The following HS3ST3A1 variants were observed in gnomAD, a reference collection of about 807,000 sequenced individuals.
HS3ST3A1 encodes the protein heparan sulfate-glucosamine 3-sulfotransferase 3A1, also known as heparan sulfate glucosamine 3-O-sulfotransferase 3A1.
Under a neutral mutation model 25.7 loss-of-function variants are expected in HS3ST3A1, and 19 were observed. That is an observed-to-expected ratio of 0.74 (90% CI 0.52 to 1.08). The LOEUF is 1.08. Among genes scored for constraint, HS3ST3A1 ranks in the 50% least tolerant of loss-of-function variants. The pLI is 0.00. For synonymous variants in HS3ST3A1, 226 were observed against 278.6 expected (o/e 0.81, Z 1.88); for missense variants, 459 against 594.3 (o/e 0.77, Z 2.37).
chr17:13,550,928 A>G (rs1024649756), intron 1 of HS3ST3A1, among the ~76,000 whole-genome samples: 3 of 151,722 alleles, frequency 2.0e-5, no homozygotes, highest in South Asian at 2.1e-4. Context: ...TTAGCCGGGC[A>G]TGGTGGCAGG....
At chr17:13,501,254 T>C (rs1402843545) in intron 1 of HS3ST3A1, among the ~76,000 whole-genome samples, 3 of 151,020 alleles carry the variant, frequency 2.0e-5, no homozygotes, top group South Asian at 2.1e-4. Context: ...TTTTATGTTA[T>C]GTGTTTTCTA....
chr17:13,509,728 A>G (rs1258671613), intron 1 of HS3ST3A1, among the ~76,000 whole-genome samples: 1 of 152,186 alleles, frequency 6.6e-6, no homozygotes, highest in Non-Finnish European at 1.5e-5. Context: ...CACCACTAAA[A>G]ATTAGAACTG....
In HS3ST3A1 at chr17:13,577,495, C is replaced by A. The variant is rs8067572; in HGVS notation, c.599+23036G>T. ...ACCAGTACAGCTAACTTCTCCCTCC[C>A]GGGACAGAGGAATAATGAGAGCTTG... is the stretch of plus-strand genomic sequence containing the variant. On this transcript the variant is annotated intron_variant, in intron 1 of 1. Transcript: ENST00000284110. Among the ~76,000 whole-genome samples, 454 of 152,258 alleles carry A rather than the reference C, an allele frequency of 3.0e-3. 2 individuals carry two copies. The highest frequency in any genetic ancestry group is 0.01 in the African/African-American group (423 of 41,542).
intron 1 of HS3ST3A1, 77 bp downstream of exon 1, chr17:13,600,454 A>C: frequency 6.9e-7 from 1 of 1,448,558 alleles, no homozygotes; most frequent in Non-Finnish European, 9.0e-7. Context: ...ACTGGGGGTC[A>C]CCGAGGGCTC....
intron 1 of HS3ST3A1, among the ~76,000 whole-genome samples, chr17:13,578,556 C>A (rs1349036667): frequency 5.9e-5 from 8 of 134,692 alleles, no homozygotes; most frequent in African/African-American, 2.4e-4. Flanking sequence ...GAGCCAGACT[C>A]CATCTCAAAA....
chr17:13,601,492 T>C lies in HS3ST3A1; in HGVS notation c.-363A>G. 4.7e-6 allele frequency: 1 copy of C among 212,248 alleles called. No homozygotes were observed. The allele number at this position is 212,248 out of a possible 1,614,324, so 13.1% of individuals were successfully genotyped here. A position where few individuals can be genotyped will look rare whatever the true frequency, so the allele number is the denominator to read the frequency against. On this transcript the variant is annotated 5_prime_UTR_variant, in exon 1 of 2. Coordinates refer to ENST00000284110, the MANE Select transcript of HS3ST3A1 (RefSeq NM_006042.3). ...TTGGCAGCGGTGTCGAAGGCGTGCG[T>C]CTCAGCCCCGGCCCCGAGAGACTTC...
intron 1 of HS3ST3A1, among the ~76,000 whole-genome samples, chr17:13,553,083 A>G (rs1022316057): frequency 1.3e-5 from 2 of 152,150 alleles, no homozygotes; most frequent in African/African-American, 2.4e-5. Flanking sequence ...AGAGTCTACA[A>G]TGTTTTTCAT....
intron 1 of HS3ST3A1, among the ~76,000 whole-genome samples, chr17:13,522,861 C>G (rs997454149): frequency 7.9e-4 from 120 of 151,342 alleles, no homozygotes; most frequent in Non-Finnish European, 1.3e-3. Flanking sequence ...GAGACACACA[C>G]ACACACACAC....
intron 1 of HS3ST3A1, 30 bp from the exon 2 acceptor site, chr17:13,496,848 T>C (rs1438975462): frequency 1.2e-6 from 2 of 1,600,040 alleles, no homozygotes. Flanking sequence ...ATGTCAGAGA[T>C]GTGCAGAGAG....
At chr17:13,573,012 T>C (rs1907857391) in intron 1 of HS3ST3A1, among the ~76,000 whole-genome samples, 1 of 152,166 alleles carries the variant, frequency 6.6e-6, no homozygotes, top group South Asian at 2.1e-4. Flanking sequence ...GGAAGAAAGA[T>C]TACAGCCAAC....
rs560038160 is a variant in HS3ST3A1, at chr17:13,595,351, A to G, written c.599+5180T>C. On this transcript the variant is annotated intron_variant, in intron 1 of 1. Transcript: ENST00000284110. ...CTACTCAGGATGTCCAATACTGCTC[A>G]GAAGTTCCCCAATTACTTAATAACA... 2.1e-3 allele frequency among the ~76,000 whole-genome samples: 323 copies of G among 152,368 alleles called. 1 individual carries two copies. Among genetic ancestry groups the G allele is most frequent in the African/African-American group, 7.3e-3 (305 of 41,582 alleles).
chr17:13,592,152 G>T (rs560017113), intron 1 of HS3ST3A1, among the ~76,000 whole-genome samples: 8 of 152,194 alleles, frequency 5.3e-5, no homozygotes, highest in Non-Finnish European at 2.9e-5. Flanking sequence ...CAGTGGTGAG[G>T]CTCTGGCATG....
chr17:13,550,200 C>G (rs777025895), intron 1 of HS3ST3A1, among the ~76,000 whole-genome samples: 14 of 152,232 alleles, frequency 9.2e-5, no homozygotes, highest in Middle Eastern at 3.4e-3. Flanking sequence ...AGTGCATGGA[C>G]TAAATTTTGA....
chr17:13,539,541 T>C (rs1906869735), intron 1 of HS3ST3A1, among the ~76,000 whole-genome samples: 1 of 152,194 alleles, frequency 6.6e-6, no homozygotes, highest in African/African-American at 2.4e-5. Context: ...CACTGCGTGT[T>C]TGTTATTGGA....
At chr17:13,559,914 C>T (rs950112790) in intron 1 of HS3ST3A1, among the ~76,000 whole-genome samples, 2 of 151,432 alleles carry the variant, frequency 1.3e-5, no homozygotes, top group African/African-American at 4.9e-5. Context: ...TTGCAAAAGG[C>T]CCATCTTGTT....
Position 13,534,403 on chromosome 17 carries a change from G to A in HS3ST3A1, c.600-37585C>T, listed in dbSNP as rs981386757. Among the ~76,000 whole-genome samples the A allele has an allele frequency of 2.6e-5, 4 of 151,746 alleles. 1 individual carries two copies. Among genetic ancestry groups the A allele is most frequent in the African/African-American group, 4.8e-5 (2 of 41,326 alleles). ...AGTTCTTGTTATTCTAAGTAATTAT[G>A]TTCTATAAAGTTGCTGCAGTCCAGG... On this transcript the variant is annotated intron_variant, in intron 1 of 1. Coordinates refer to ENST00000284110, the MANE Select transcript of HS3ST3A1 (RefSeq NM_006042.3).
At chr17:13,559,365 C>G (rs1422235311) in intron 1 of HS3ST3A1, among the ~76,000 whole-genome samples, 1 of 151,942 alleles carries the variant, frequency 6.6e-6, no homozygotes, top group Non-Finnish European at 1.5e-5. Context: ...TTTATGTGTC[C>G]AAACTCTACT....
chr17:13,497,152 C>G (rs990893165), intron 1 of HS3ST3A1, among the ~76,000 whole-genome samples: 1 of 152,156 alleles, frequency 6.6e-6, no homozygotes, highest in African/African-American at 2.4e-5. Context: ...AAGAAAATAA[C>G]TTTGGTCAAA....
At chr17:13,516,971 C>T (rs1380408656) in intron 1 of HS3ST3A1, among the ~76,000 whole-genome samples, 3 of 152,126 alleles carry the variant, frequency 2.0e-5, no homozygotes, top group East Asian at 3.9e-4. Context: ...CAGGCGTGAG[C>T]CACTGTGCCC....
Sources: gnomAD v4.1 joint callset for allele counts (sites outside exome capture counted in the v4.1 genomes callset) on GRCh38, gnomAD v4.1.1 for gene constraint, MANE v1.5 for transcripts, NCBI Gene and HGNC (gene_info 2026-07-23, HGNC 2026-07-21) for gene names.